FILIP1L: variants seen among roughly 807,000 people sequenced by gnomAD.
FILIP1L encodes the protein filamin A interacting protein 1 like.
In FILIP1L, 55 loss-of-function variants were observed where a neutral mutation model predicts 96.6. The ratio of observed to expected loss-of-function variants is 0.57; its 90% confidence interval spans 0.46 to 0.71. FILIP1L has a LOEUF of 0.71. Among genes scored for constraint, FILIP1L ranks in the 30% least tolerant of loss-of-function variants. The pLI is 0.00. For synonymous variants in FILIP1L, 467 were observed against 473.9 expected, an observed-to-expected ratio of 0.99 and a Z score of 0.19; for missense variants, 1,304 against 1,321.2, an observed-to-expected ratio of 0.99 and a Z score of 0.20.
chr3:100,062,460 T>C (rs1256194901), intron 1 of FILIP1L, among the ~76,000 whole-genome samples: 1 of 152,106 alleles, frequency 6.6e-6, no homozygotes, highest in Non-Finnish European at 1.5e-5. Flanking sequence ...AGCCTTAACT[T>C]CATTACTTCT....
intron 1 of FILIP1L, among the ~76,000 whole-genome samples, chr3:99,975,790 G>A (rs1331558881): frequency 2.0e-5 from 3 of 152,264 alleles, no homozygotes; most frequent in East Asian, 1.9e-4. Flanking sequence ...TTGAAAAGTC[G>A]TGTATATGTT....
chr3:99,863,379 G>A (rs937706568), intron 4 of FILIP1L, among the ~76,000 whole-genome samples: 1 of 152,130 alleles, frequency 6.6e-6, no homozygotes, highest in Non-Finnish European at 1.5e-5. Context: ...TTCGGCCCTG[G>A]GGTTGGGGAC....
chr3:99,917,933 A>G (rs940268154), intron 4 of FILIP1L, among the ~76,000 whole-genome samples: 39 of 152,068 alleles, frequency 2.6e-4, no homozygotes, highest in Non-Finnish European at 5.9e-5. Context: ...AGACACAGAA[A>G]TCATAATCAT....
Position 99,966,644 on chromosome 3 carries a change from T to A in FILIP1L, c.-10-35614A>T, listed in dbSNP as rs192776728. Among the ~76,000 whole-genome samples the A allele has an allele frequency of 5.7e-3, 874 of 152,290 alleles. 6 individuals are homozygous for A. Among genetic ancestry groups the A allele is most frequent in the Non-Finnish European group, 9.8e-3 (664 of 68,018 alleles). ...TACAGTTTGATTTAAGATGCCACAT[T>A]TACATGGCATTTTCAACCTTCAAAC... On this transcript the variant is annotated intron_variant, in intron 1 of 5. Coordinates refer to ENST00000477258, the MANE Select transcript of FILIP1L (RefSeq NM_001387850.1).
At chr3:99,929,710 C>T in intron 3 of FILIP1L, 146 bp downstream of exon 3, 1 of 549,116 alleles carries the variant, frequency 1.8e-6, no homozygotes, top group East Asian at 3.3e-5. Flanking sequence ...TCCTATTGAA[C>T]TTGTCGTATT....
At chr3:99,927,987 C>T (rs991944109) in intron 3 of FILIP1L, among the ~76,000 whole-genome samples, 1 of 152,008 alleles carries the variant, frequency 6.6e-6, no homozygotes, top group Non-Finnish European at 1.5e-5. Flanking sequence ...CTCTAGTTTA[C>T]CCTAGACATG....
intron 5 of FILIP1L, among the ~76,000 whole-genome samples, chr3:99,831,059 G>T (rs916849784): frequency 3.9e-5 from 6 of 152,168 alleles, no homozygotes; most frequent in African/African-American, 9.7e-5. Context: ...ATGATTAGTG[G>T]AACAGCTTGG....
At chr3:100,009,628 A>AC (rs995791062) in intron 1 of FILIP1L, among the ~76,000 whole-genome samples, 41 of 152,334 alleles carry the variant, frequency 2.7e-4, no homozygotes, top group African/African-American at 9.6e-4. Context: ...GAAAATAAAA[A>AC]AGCAAACAGC....
At chr3:99,892,874 A>T (rs1484275350) in intron 4 of FILIP1L, among the ~76,000 whole-genome samples, 1 of 152,178 alleles carries the variant, frequency 6.6e-6, no homozygotes, top group African/African-American at 2.4e-5. Flanking sequence ...GGCTTAATGG[A>T]TTATTCTAAG....
chr3:99,875,374 T>TACTA (rs1261543807), intron 4 of FILIP1L, among the ~76,000 whole-genome samples: 8 of 152,322 alleles, frequency 5.3e-5, no homozygotes, highest in Non-Finnish European at 7.4e-5. Context: ...TTACATAATA[T>TACTA]ACTACTATCC....
chr3:99,868,349 G>A (rs761311962), intron 4 of FILIP1L, among the ~76,000 whole-genome samples: 27 of 152,176 alleles, frequency 1.8e-4, no homozygotes, highest in Non-Finnish European at 3.5e-4. Context: ...CCACTTCACA[G>A]CTGGGTGTCT....
At chr3:99,862,032 G>A (rs574017617) in intron 4 of FILIP1L, among the ~76,000 whole-genome samples, 1 of 152,066 alleles carries the variant, frequency 6.6e-6, no homozygotes, top group Non-Finnish European at 1.5e-5. Flanking sequence ...ATACATGTCC[G>A]TTCTCATTAG....
At chr3:99,907,816 C>T (rs540620586) in intron 4 of FILIP1L, among the ~76,000 whole-genome samples, 1 of 152,190 alleles carries the variant, frequency 6.6e-6, no homozygotes, top group African/African-American at 2.4e-5. Flanking sequence ...ATTAGGAGAT[C>T]AAGCCATTCC....
intron 1 of FILIP1L, among the ~76,000 whole-genome samples, chr3:99,979,685 A>T (rs1203270967): frequency 6.6e-6 from 1 of 152,230 alleles, no homozygotes; most frequent in Admixed American, 6.5e-5. Context: ...ATTAATTAAA[A>T]TACCATTAGC....
chr3:99,932,449 C>T (rs1369824522), intron 1 of FILIP1L, among the ~76,000 whole-genome samples: 3 of 151,722 alleles, frequency 2.0e-5, no homozygotes, highest in Non-Finnish European at 4.4e-5. Context: ...ATTATATAGT[C>T]CATCATTTAC....
At chr3:100,074,110 T>G (rs1284063432) in intron 1 of FILIP1L, among the ~76,000 whole-genome samples, 2 of 152,176 alleles carry the variant, frequency 1.3e-5, no homozygotes, top group Admixed American at 1.3e-4. Context: ...ATGAGGCAGA[T>G]CTTGTTTATG....
At chr3:99,851,547 A>C (rs564893273) in intron 4 of FILIP1L, among the ~76,000 whole-genome samples, 2 of 152,362 alleles carry the variant, frequency 1.3e-5, no homozygotes, top group Admixed American at 6.5e-5. Context: ...GGGGCTTTTT[A>C]TGAAAATTAA....
In FILIP1L at chr3:99,850,680, C is replaced by G; in HGVS notation, c.996G>C (p.Arg332=). The change falls in exon 5 of 6, where the codon CGG becomes CGC. Residue 332 remains arginine, a synonymous_variant. Transcript: ENST00000477258. ...QLQQKLAALS[R]QIDELEETNR... ...TTGTCTCTTCTAACTCATCAATCTG[C>G]CGGCTGAGTGCTGCCAGCTTTTGTT... 1.2e-6 allele frequency: 2 copies of G among 1,614,112 alleles called. No individual in the cohort carries two copies. The highest frequency in any genetic ancestry group is 1.7e-6 in the Non-Finnish European group (2 of 1,180,030).
chr3:100,054,615 A>C (rs1371663677), intron 1 of FILIP1L, among the ~76,000 whole-genome samples: 1 of 151,970 alleles, frequency 6.6e-6, no homozygotes, highest in East Asian at 1.9e-4. Context: ...ACTTGGGAAT[A>C]CAACGTGAAT....
Sources: gnomAD v4.1 joint callset for allele counts (sites outside exome capture counted in the v4.1 genomes callset) on GRCh38, gnomAD v4.1.1 for gene constraint, MANE v1.5 for transcripts, NCBI Gene and HGNC (gene_info 2026-07-23, HGNC 2026-07-21) for gene names.